Variants in RAB3C observed in about 807,000 individuals in gnomAD.
RAB3C encodes RAB3C, member RAS oncogene family.
Under a neutral mutation model 26.4 loss-of-function variants are expected in RAB3C, and 17 were observed. That is an observed-to-expected ratio of 0.64 (90% CI 0.44 to 0.97). The LOEUF is 0.97. RAB3C is among the 50% of genes least tolerant of loss of function. RAB3C has a pLI of 0.00. For synonymous variants in RAB3C, 91 were observed against 95.9 expected (o/e 0.95, Z 0.30); for missense variants, 242 against 281.9 (o/e 0.86, Z 1.01).
intron 2 of RAB3C, among the ~76,000 whole-genome samples, chr5:58,643,376 C>T (rs1344651083): frequency 1.3e-5 from 2 of 152,084 alleles, no homozygotes; most frequent in Admixed American, 1.3e-4. Context: ...TATCAGTTGG[C>T]CGGCTTATTT....
At chr5:58,590,057 T>A (rs1746096760) in intron 1 of RAB3C, among the ~76,000 whole-genome samples, 1 of 152,192 alleles carries the variant, frequency 6.6e-6, no homozygotes, top group African/African-American at 2.4e-5. Context: ...TTTAGCTGGG[T>A]GGACCTGAGC....
intron 4 of RAB3C, among the ~76,000 whole-genome samples, chr5:58,839,344 T>TA (rs745687928): frequency 1.1e-4 from 16 of 144,434 alleles, no homozygotes; most frequent in African/African-American, 2.9e-4. Flanking sequence ...AATGATAAGT[T>TA]TTTATTTTAT....
chr5:58,688,973 G>A (rs1237349558), intron 2 of RAB3C, among the ~76,000 whole-genome samples: 1 of 152,100 alleles, frequency 6.6e-6, no homozygotes, highest in Non-Finnish European at 1.5e-5. Flanking sequence ...AGAAATAGCT[G>A]ACATTTGTTG....
chr5:58,701,315 A>G (rs1292130473), intron 2 of RAB3C, among the ~76,000 whole-genome samples: 2 of 152,236 alleles, frequency 1.3e-5, no homozygotes, highest in Non-Finnish European at 2.9e-5. Flanking sequence ...TCATTTTTTA[A>G]TCACATTCTA....
At chr5:58,676,269 C>T (rs997314202) in intron 2 of RAB3C, among the ~76,000 whole-genome samples, 3 of 151,976 alleles carry the variant, frequency 2.0e-5, no homozygotes, top group Non-Finnish European at 4.4e-5. Context: ...TTTGGGAGGC[C>T]GAGGGAGTGG....
intron 3 of RAB3C, among the ~76,000 whole-genome samples, chr5:58,770,188 A>G (rs1347645079): frequency 1.3e-5 from 2 of 152,210 alleles, no homozygotes; most frequent in African/African-American, 2.4e-5. Flanking sequence ...ATGTTGCAGT[A>G]CAGCAGGTTG....
chr5:58,640,434 A>G (rs989865159), intron 2 of RAB3C, among the ~76,000 whole-genome samples: 10 of 152,200 alleles, frequency 6.6e-5, no homozygotes, highest in Non-Finnish European at 5.9e-5. Flanking sequence ...GAGGCTGACT[A>G]TGCAATTATT....
At chr5:58,648,945 C>G (rs1747585121) in intron 2 of RAB3C, among the ~76,000 whole-genome samples, 1 of 152,114 alleles carries the variant, frequency 6.6e-6, no homozygotes, top group African/African-American at 2.4e-5. Flanking sequence ...CAAGATTTCC[C>G]TGTTGTTGGG....
intron 2 of RAB3C, among the ~76,000 whole-genome samples, chr5:58,659,514 G>T (rs578222367): frequency 6.6e-6 from 1 of 152,208 alleles, no homozygotes; most frequent in South Asian, 2.1e-4. Flanking sequence ...GAAAGGAATA[G>T]ACTTCATTGC....
At position 58,597,760 on chromosome 5, in the gene RAB3C, T is replaced by C. The variant is rs1490300575; in HGVS notation, c.24+14528T>C. ...TAACATATAATACATTATATATAAG[T>C]ATATAACATATAATACATTATATAT... On this transcript the variant is annotated intron_variant, in intron 1 of 4. Transcript: ENST00000282878. 5.1e-5 allele frequency among the ~76,000 whole-genome samples: 6 copies of C among 117,264 alleles called. 1 individual carries two copies. In the Admixed American group the frequency reaches 6.0e-4, roughly 12 times the overall value. The allele number at this position is 117,264 out of a possible 152,430, so 76.9% of individuals were successfully genotyped here.
At chr5:58,775,003 C>T (rs1291794909) in intron 3 of RAB3C, among the ~76,000 whole-genome samples, 1 of 152,056 alleles carries the variant, frequency 6.6e-6, no homozygotes, top group African/African-American at 2.4e-5. Flanking sequence ...AGAGGAGTGG[C>T]ATGGTCCAAT....
intron 3 of RAB3C, among the ~76,000 whole-genome samples, chr5:58,812,742 G>A (rs575207870): frequency 6.5e-4 from 99 of 152,278 alleles, no homozygotes; most frequent in African/African-American, 2.4e-3. Flanking sequence ...GTTGTTTAGA[G>A]AATGGTTTTG....
chr5:58,774,867 G>A (rs879393547), intron 3 of RAB3C, among the ~76,000 whole-genome samples: 1 of 152,152 alleles, frequency 6.6e-6, no homozygotes, highest in Non-Finnish European at 1.5e-5. Context: ...GGAGCTGAGC[G>A]AGAGGTGGAA....
chr5:58,755,488 G>T (rs1387343768), intron 3 of RAB3C, among the ~76,000 whole-genome samples: 1 of 152,306 alleles, frequency 6.6e-6, no homozygotes, highest in East Asian at 1.9e-4. Flanking sequence ...TGAAGTGAGT[G>T]TACCTCCATA....
chr5:58,718,414 G>A (rs1215887327), intron 2 of RAB3C, among the ~76,000 whole-genome samples: 2 of 152,002 alleles, frequency 1.3e-5, no homozygotes, highest in Non-Finnish European at 2.9e-5. Context: ...GGGTATTACT[G>A]AAAATGGAGT....
At chr5:58,606,699 G>A (rs1279735286) in intron 1 of RAB3C, among the ~76,000 whole-genome samples, 4 of 152,142 alleles carry the variant, frequency 2.6e-5, no homozygotes, top group Non-Finnish European at 5.9e-5. Context: ...CCAGAGGAAG[G>A]ATCAGGCAGC....
intron 2 of RAB3C, among the ~76,000 whole-genome samples, chr5:58,652,362 G>A (rs1211895285): frequency 6.6e-6 from 1 of 151,696 alleles, no homozygotes; most frequent in African/African-American, 2.4e-5. Flanking sequence ...CATTAATATA[G>A]TGTCTACAAT....
rs532729586 is a variant in RAB3C at position 58,660,512 on chromosome 5, A to G, written c.252+42642A>G. On this transcript the variant is annotated intron_variant, in intron 2 of 4. Coordinates refer to ENST00000282878, the MANE Select transcript of RAB3C (RefSeq NM_138453.4). ...GGGATATATCTCATATATTTTCCAT[A>G]CCATATTGTATTTTTTAAGAACAAA... 5.3e-5 allele frequency among the ~76,000 whole-genome samples: 8 copies of G among 150,266 alleles called. No individual in the cohort carries two copies. In the South Asian group the frequency reaches 1.7e-3, roughly 31 times the overall value.
intron 2 of RAB3C, among the ~76,000 whole-genome samples, chr5:58,698,428 T>C (rs1452572987): frequency 1.3e-5 from 2 of 152,162 alleles, no homozygotes; most frequent in Non-Finnish European, 2.9e-5. Flanking sequence ...TCGAGGAGTA[T>C]CTTTGTGGTG....
Sources: allele counts gnomAD v4.1 joint callset (sites outside exome capture counted in the v4.1 genomes callset), GRCh38; gene constraint gnomAD v4.1.1; transcripts MANE v1.5; gene names NCBI Gene and HGNC (gene_info 2026-07-23, HGNC 2026-07-21).